ADD3: variants seen among roughly 807,000 people sequenced by gnomAD.
ADD3 encodes gamma-adducin.
Under a neutral mutation model 80.2 loss-of-function variants are expected in ADD3, and 25 were observed. That is an observed-to-expected ratio of 0.31 (90% CI 0.23 to 0.44). The LOEUF (loss-of-function observed/expected upper bound fraction) is 0.44. Among genes scored for constraint, ADD3 ranks in the 20% least tolerant of loss-of-function variants. The pLI is 1.00. For synonymous variants in ADD3, 284 were observed against 289.6 expected (o/e 0.98, Z 0.20); for missense variants, 829 against 847.5 (o/e 0.98, Z 0.27).
At chr10:110,053,910 T>C (rs1165725719) in intron 1 of ADD3, among the ~76,000 whole-genome samples, 1 of 152,234 alleles carries the variant, frequency 6.6e-6, no homozygotes, top group Non-Finnish European at 1.5e-5. Flanking sequence ...CCAAGTTCTA[T>C]GTACGAAGAT....
At chr10:110,094,335 G>A (rs1847904018) in intron 1 of ADD3, among the ~76,000 whole-genome samples, 1 of 152,082 alleles carries the variant, frequency 6.6e-6, no homozygotes, top group East Asian at 1.9e-4. Flanking sequence ...TGATATTTGA[G>A]CAATGTAACT....
At chr10:110,013,204 G>C (rs1852537200) in intron 1 of ADD3, among the ~76,000 whole-genome samples, 1 of 152,178 alleles carries the variant, frequency 6.6e-6, no homozygotes, top group Non-Finnish European at 1.5e-5. Flanking sequence ...CTGGGTTCAA[G>C]CGATTCTTCT....
chr10:110,022,616 G>A (rs1444971110), intron 1 of ADD3, among the ~76,000 whole-genome samples: 1 of 152,148 alleles, frequency 6.6e-6, no homozygotes, highest in Non-Finnish European at 1.5e-5. Flanking sequence ...TAAGTTTTCA[G>A]TATTTTAAAG....
At chr10:110,008,577 G>C (rs1378164939) in intron 1 of ADD3, among the ~76,000 whole-genome samples, 2 of 152,182 alleles carry the variant, frequency 1.3e-5, no homozygotes, top group African/African-American at 4.8e-5. Context: ...GCGCCGCCGG[G>C]TGGGCCCGAC....
chr10:109,999,324 C>A (rs779488266), intron 1 of ADD3, among the ~76,000 whole-genome samples: 1 of 152,196 alleles, frequency 6.6e-6, no homozygotes, highest in Non-Finnish European at 1.5e-5. Flanking sequence ...CTGAGCAAAG[C>A]ACTGTGGGAC....
intron 1 of ADD3, among the ~76,000 whole-genome samples, chr10:110,053,372 T>A (rs958587341): frequency 6.6e-6 from 1 of 152,082 alleles, no homozygotes; most frequent in Non-Finnish European, 1.5e-5. Context: ...TCAATGTATC[T>A]TCTTTTTGGT....
chr10:110,046,406 A>G (rs1294237263), intron 1 of ADD3, among the ~76,000 whole-genome samples: 1 of 149,048 alleles, frequency 6.7e-6, no homozygotes, highest in East Asian at 2.0e-4. Context: ...GGGATAGTCC[A>G]AAGTTATACG....
rs1853740091 is a variant in ADD3 at position 110,022,060 on chromosome 10, T to C, written c.-30+13761T>C. Among the ~76,000 whole-genome samples, 2 of 152,204 alleles carry C rather than the reference T, an allele frequency of 1.3e-5. 1 individual carries two copies. The highest frequency in any genetic ancestry group is 4.8e-5 in the African/African-American group (2 of 41,440). ...TTTAGCCTGCTTTGCTTAAAGAGGC[T>C]AGGTTAAGATGCTTTTCTTGTCCAG... On this transcript the variant is annotated intron_variant, in intron 1 of 14. Coordinates refer to ENST00000356080, the MANE Select transcript of ADD3 (RefSeq NM_016824.5).
In ADD3 at chr10:110,100,925, C is replaced by CTCTTT. The variant is rs1848742797; in HGVS notation, c.195+78_195+79insCTTTT. The stretch of plus-strand genomic sequence containing the variant: ...ATAATAAGGTAGAAGTTTTCTCAAA[C>CTCTTT]TACCCTCAGGTTAAAAGAGGGGTGG... On this transcript the variant is annotated intron_variant, in intron 2 of 14. Coordinates refer to ENST00000356080, the MANE Select transcript of ADD3 (RefSeq NM_016824.5). 21 of 1,360,662 alleles carry CTCTTT rather than the reference C, an allele frequency of 1.5e-5. No homozygotes were observed. In the East Asian group the frequency reaches 5.0e-4, roughly 32 times the overall value. The allele number at this position is 1,360,662 out of a possible 1,614,324, so 84.3% of individuals were successfully genotyped here.
chr10:110,035,551 C>T (rs1254166599), intron 1 of ADD3, among the ~76,000 whole-genome samples: 2 of 152,066 alleles, frequency 1.3e-5, no homozygotes, highest in Admixed American at 6.5e-5. Flanking sequence ...GCACTTGTGG[C>T]GCTTTGTCAG....
At chr10:110,020,332 G>A (rs1048849125) in intron 1 of ADD3, among the ~76,000 whole-genome samples, 2 of 152,180 alleles carry the variant, frequency 1.3e-5, no homozygotes, top group Non-Finnish European at 2.9e-5. Context: ...TGTTACGTTA[G>A]TGATAAATGT....
At chr10:110,099,083 CTT>C (rs34380039) in intron 1 of ADD3, among the ~76,000 whole-genome samples, 53 of 135,852 alleles carry the variant, frequency 3.9e-4, no homozygotes, top group East Asian at 8.6e-4. Flanking sequence ...ACACGCCTGG[CTT>C]TTTTTTTTTT....
At chr10:110,021,453 G>T (rs1853661929) in intron 1 of ADD3, among the ~76,000 whole-genome samples, 1 of 152,112 alleles carries the variant, frequency 6.6e-6, no homozygotes, top group Non-Finnish European at 1.5e-5. Context: ...GCCCAAAAAT[G>T]GAAACAACCC....
chr10:110,088,428 A>AT (rs1847082251), intron 1 of ADD3, among the ~76,000 whole-genome samples: 1 of 152,318 alleles, frequency 6.6e-6, no homozygotes, highest in East Asian at 1.9e-4. Context: ...ACCAAAAAGT[A>AT]TTTTTGCAAG....
intron 1 of ADD3, among the ~76,000 whole-genome samples, chr10:110,083,311 T>C (rs560264427): frequency 2.7e-4 from 41 of 152,094 alleles, no homozygotes; most frequent in Non-Finnish European, 3.1e-4. Context: ...GTATGAGATA[T>C]GGTGAGCATC....
chr10:110,009,750 T>C (rs1288681487), intron 1 of ADD3, among the ~76,000 whole-genome samples: 1 of 152,224 alleles, frequency 6.6e-6, no homozygotes, highest in African/African-American at 2.4e-5. Context: ...GTGATAACAC[T>C]TAAGGTGCCC....
intron 1 of ADD3, among the ~76,000 whole-genome samples, chr10:110,100,221 G>A (rs191249342): frequency 5.1e-4 from 77 of 152,092 alleles, no homozygotes; most frequent in East Asian, 1.4e-3. Context: ...ATGGTGGCAC[G>A]CGCCTGTAGT....
chr10:110,030,069 A>G (rs1402153428), intron 1 of ADD3, among the ~76,000 whole-genome samples: 1 of 152,180 alleles, frequency 6.6e-6, no homozygotes, highest in African/African-American at 2.4e-5. Context: ...CACACCTGTA[A>G]TCCCAGCACT....
intron 1 of ADD3, among the ~76,000 whole-genome samples, chr10:109,998,499 C>T (rs577922161): frequency 6.6e-6 from 1 of 152,314 alleles, no homozygotes; most frequent in South Asian, 2.1e-4. Context: ...CTCTAGTGTT[C>T]ATTCTGCACA....
Sources: gnomAD v4.1 joint callset for allele counts (sites outside exome capture counted in the v4.1 genomes callset) on GRCh38, gnomAD v4.1.1 for gene constraint, MANE v1.5 for transcripts, NCBI Gene and HGNC (gene_info 2026-07-23, HGNC 2026-07-21) for gene names.